The following DPH6 variants were observed in gnomAD, a reference collection of about 807,000 sequenced individuals.
DPH6 encodes the protein diphthamine biosynthesis 6.
A neutral mutation model predicts 38.2 loss-of-function variants in DPH6; 33 were observed. The ratio of observed to expected loss-of-function variants is 0.86; its 90% confidence interval spans 0.65 to 1.15. The LOEUF is 1.15. Among genes scored for constraint, DPH6 ranks in the 50% most tolerant of loss-of-function variants. The probability of loss-of-function intolerance (pLI) is 0.00; values close to 1 mark genes in which losing one functional copy is unlikely to be tolerated. For missense variants in DPH6, 325 were observed against 320.0 expected (o/e 1.02, Z -0.12); for synonymous variants, 108 against 103.0 (o/e 1.05, Z -0.30).
At chr15:35,153,036 G>A in the DPH6 span, among the ~76,000 whole-genome samples, 1 of 152,004 alleles carries the variant, frequency 6.6e-6, no homozygotes, top group African/African-American at 2.4e-5. Context: ...AGCAAAGAAA[G>A]GCTTTTATAT....
intron 3 of DPH6, chr15:35,237,886 GGAC>G: frequency 2.8e-6 from 4 of 1,450,086 alleles, no homozygotes; most frequent in Non-Finnish European, 2.9e-6. Flanking sequence ...AGGTAGTGGA[GGAC>G]GAGGAGGAGG....
chr15:35,304,568 T>A (rs919948665), intron 3 of DPH6, among the ~76,000 whole-genome samples: 1 of 152,094 alleles, frequency 6.6e-6, no homozygotes, highest in African/African-American at 2.4e-5. Flanking sequence ...AAAAAATATT[T>A]GAAATGCCAA....
chr15:35,285,872 G>GTTTTTTTTTGTTTTTTTTTTTTTTTTT (rs2051938608), intron 3 of DPH6, among the ~76,000 whole-genome samples: 1 of 52,794 alleles, frequency 1.9e-5, no homozygotes, highest in African/African-American at 7.5e-5. Flanking sequence ...TTATCTTTGA[G>GTTTTTTTTTGTTTTTTTTTTTTTTTTT]TTTTTTTTTT....
intron 3 of DPH6, among the ~76,000 whole-genome samples, chr15:35,270,610 T>C (rs111365041): frequency 6.6e-6 from 1 of 152,362 alleles, no homozygotes; most frequent in Non-Finnish European, 1.5e-5. Flanking sequence ...AGGCTGTGTC[T>C]AGTTTACTTC....
intron 5 of DPH6, among the ~76,000 whole-genome samples, chr15:35,411,590 A>G (rs2053367801): frequency 6.6e-6 from 1 of 151,710 alleles, no homozygotes; most frequent in African/African-American, 2.4e-5. Context: ...GACAAGTGTG[A>G]GCAATATGAA....
At chr15:35,475,519 T>A (rs1005148053) in intron 3 of DPH6, among the ~76,000 whole-genome samples, 1 of 151,984 alleles carries the variant, frequency 6.6e-6, no homozygotes, top group Non-Finnish European at 1.5e-5. Flanking sequence ...TTAAAGAAAC[T>A]GCTATGCTAT....
At chr15:35,463,675 GAGT>G (rs966250859) in intron 3 of DPH6, among the ~76,000 whole-genome samples, 11 of 152,058 alleles carry the variant, frequency 7.2e-5, no homozygotes, top group Admixed American at 4.6e-4. Context: ...TCTTATTTTT[GAGT>G]AGTATTTCAT....
chr15:35,524,868 C>T (rs1426321290), intron 3 of DPH6, among the ~76,000 whole-genome samples: 1 of 152,092 alleles, frequency 6.6e-6, no homozygotes, highest in Admixed American at 6.6e-5. Flanking sequence ...TAAAAACTAT[C>T]AAATAGTTAT....
At chr15:35,542,367 G>T in intron 2 of DPH6, 46 bp downstream of exon 2, 6 of 1,445,468 alleles carry the variant, frequency 4.2e-6, no homozygotes, top group East Asian at 4.6e-5. Context: ...TATGAAGTTG[G>T]AATTTCATTC....
intron 5 of DPH6, among the ~76,000 whole-genome samples, chr15:35,422,803 T>C (rs1163910498): frequency 6.6e-6 from 1 of 151,936 alleles, no homozygotes; most frequent in Non-Finnish European, 1.5e-5. Flanking sequence ...ATATAAGTGA[T>C]ACGATGCAGT....
Position 35,268,179 on chromosome 15 carries a change from AT to A in DPH6, n.201-47598del, listed in dbSNP as rs1484612404. On this transcript the variant is annotated intron_variant and non_coding_transcript_variant, in intron 3 of 3. Transcript: ENST00000560386. ...AGCGAGACTCTGTCTCAAAAAATAA[AT>A]AAATAAATAAATAAATAAATAAATA... 3.2e-3 allele frequency among the ~76,000 whole-genome samples: 210 copies of A among 66,260 alleles called. 1 individual carries two copies. Among genetic ancestry groups the A allele is most frequent in the East Asian group, 0.029 (22 of 748 alleles). 43.5% of individuals were successfully genotyped at this position (66,260 alleles called of 152,430 possible).
At chr15:35,473,008 A>G (rs1304045609) in intron 3 of DPH6, among the ~76,000 whole-genome samples, 1 of 152,154 alleles carries the variant, frequency 6.6e-6, no homozygotes, top group Non-Finnish European at 1.5e-5. Flanking sequence ...CTCAACTTAA[A>G]AGTTTCTTTT....
chr15:35,245,155 G>C (rs1258189865), intron 3 of DPH6, among the ~76,000 whole-genome samples: 1 of 150,034 alleles, frequency 6.7e-6, no homozygotes, highest in African/African-American at 2.4e-5. Context: ...ATGATTCTAT[G>C]AAATCAGAAA....
At chr15:35,207,902 T>C in the DPH6 span, among the ~76,000 whole-genome samples, 1 of 152,180 alleles carries the variant, frequency 6.6e-6, no homozygotes, top group Admixed American at 6.5e-5. Context: ...GATGTGGGAA[T>C]TTGCAATACA....
the DPH6 span, among the ~76,000 whole-genome samples, chr15:35,159,101 C>T: frequency 2.6e-5 from 4 of 151,982 alleles, no homozygotes; most frequent in African/African-American, 9.7e-5. Flanking sequence ...CCTTTTTCCC[C>T]AAATTCCGAC....
chr15:35,299,791 T>G (rs2052042604), intron 3 of DPH6, among the ~76,000 whole-genome samples: 1 of 152,232 alleles, frequency 6.6e-6, no homozygotes, highest in South Asian at 2.1e-4. Flanking sequence ...CTTCATAGTA[T>G]TTAGCAGAAT....
chr15:35,411,446 G>A (rs761065808), intron 5 of DPH6, among the ~76,000 whole-genome samples: 8 of 151,474 alleles, frequency 5.3e-5, no homozygotes, highest in South Asian at 2.1e-4. Context: ...TGACTCCTTC[G>A]CAACACTGTA....
chr15:35,275,552 G>C (rs968188526), intron 3 of DPH6, among the ~76,000 whole-genome samples: 5 of 152,036 alleles, frequency 3.3e-5, no homozygotes, highest in South Asian at 2.1e-4. Flanking sequence ...GGCCTGTCAG[G>C]GGGTGGGGAG....
intron 2 of DPH6, among the ~76,000 whole-genome samples, chr15:35,541,425 C>A (rs1157430199): frequency 6.6e-6 from 1 of 152,104 alleles, no homozygotes; most frequent in Non-Finnish European, 1.5e-5. Flanking sequence ...AAGATATGAT[C>A]TCTCTTCTCA....
Sources: gnomAD v4.1 joint callset for allele counts (sites outside exome capture counted in the v4.1 genomes callset) on GRCh38, gnomAD v4.1.1 for gene constraint, MANE v1.5 for transcripts, NCBI Gene and HGNC (gene_info 2026-07-23, HGNC 2026-07-21) for gene names.